LRP1B: variants seen among roughly 807,000 people sequenced by gnomAD.
LRP1B encodes the protein LDL receptor related protein 1B, also known as low-density lipoprotein receptor-related protein 1B.
A neutral mutation model predicts 556.6 loss-of-function variants in LRP1B; 217 were observed. That is an observed-to-expected ratio of 0.39 (90% CI 0.35 to 0.44). The LOEUF (loss-of-function observed/expected upper bound fraction) is 0.44, where lower values mean the gene tolerates loss of function less well. LRP1B is among the 20% of genes least tolerant of loss of function. The probability of loss-of-function intolerance (pLI) is 1.00; values close to 1 mark genes in which losing one functional copy is unlikely to be tolerated. For missense variants in LRP1B, 5,053 were observed against 5,620.8 expected (o/e 0.90, Z 3.23); for synonymous variants, 2,047 against 1,865.8 (o/e 1.10, Z -2.50).
intron 2 of LRP1B, among the ~76,000 whole-genome samples, chr2:141,710,112 C>A (rs1692304587): frequency 1.3e-5 from 2 of 152,156 alleles, no homozygotes; most frequent in South Asian, 4.1e-4. Flanking sequence ...TAAGCTTCAA[C>A]ATATGAATTT....
intron 2 of LRP1B, among the ~76,000 whole-genome samples, chr2:141,650,780 T>C (rs1574195229): frequency 1.3e-5 from 2 of 150,638 alleles, no homozygotes. Context: ...AACCAGGCTA[T>C]AGAATATAAC....
chr2:140,292,008 G>C (rs1204688471), intron 84 of LRP1B, among the ~76,000 whole-genome samples: 1 of 152,106 alleles, frequency 6.6e-6, no homozygotes, highest in Admixed American at 6.5e-5. Flanking sequence ...CCTTCTAAGT[G>C]GTGTGAGATG....
intron 3 of LRP1B, among the ~76,000 whole-genome samples, chr2:141,278,992 A>T (rs1189383114): frequency 6.6e-6 from 1 of 152,092 alleles, no homozygotes; most frequent in Non-Finnish European, 1.5e-5. Flanking sequence ...ATACCTATTT[A>T]CCTATGCAAA....
intron 2 of LRP1B, among the ~76,000 whole-genome samples, chr2:141,502,589 A>C (rs925258019): frequency 4.6e-5 from 7 of 152,142 alleles, no homozygotes; most frequent in Admixed American, 1.3e-4. Flanking sequence ...GGCTGGGCGC[A>C]GTGGCTCATG....
intron 41 of LRP1B, among the ~76,000 whole-genome samples, chr2:140,644,369 A>C (rs1684403989): frequency 6.6e-6 from 1 of 151,848 alleles, no homozygotes; most frequent in African/African-American, 2.4e-5. Context: ...TAGGACACAT[A>C]ATAGCATCAA....
rs1443685868 is a variant in LRP1B, at chr2:141,909,524, ACAT to A, written c.83-99126_83-99124del. ...TAATTTAATCAGACTAAGGTCTCAG[ACAT>A]TTTTTTTTTTTTTTTTTTTTTTTTT... is the stretch of plus-strand genomic sequence containing the variant. On this transcript the variant is annotated intron_variant, in intron 1 of 90. Transcript: ENST00000389484. 2.4e-4 allele frequency among the ~76,000 whole-genome samples: 25 copies of A among 104,516 alleles called. 1 individual carries two copies. Among genetic ancestry groups the A allele is most frequent in the African/African-American group, 3.5e-4 (10 of 28,854 alleles). The allele number at this position is 104,516 out of a possible 152,430, so 68.6% of individuals were successfully genotyped here.
Position 141,663,712 on chromosome 2 carries a change from GA to G in LRP1B, c.205+146566del, listed in dbSNP as rs746324921. Reference sequence around the variant, plus strand: ...CAGTAAGAAATAGCCTACTAAACAAGAAAAGCCCAGGACTAGATACATTTTC... The same window carrying G: ...CAGTAAGAAATAGCCTACTAAACAAGAAAGCCCAGGACTAGATACATTTTC... On this transcript the variant is annotated intron_variant, in intron 2 of 90. Transcript: ENST00000389484. Among the ~76,000 whole-genome samples the G allele has an allele frequency of 2.0e-5, 3 of 151,822 alleles. No individual in the cohort carries two copies. In the South Asian group the frequency reaches 6.2e-4, roughly 31 times the overall value.
At chr2:141,848,526 G>A (rs934211943) in intron 1 of LRP1B, among the ~76,000 whole-genome samples, 7 of 151,524 alleles carry the variant, frequency 4.6e-5, no homozygotes, top group Non-Finnish European at 1.0e-4. Context: ...ATAATGGAAT[G>A]TTATCCAGGA....
chr2:141,170,209 G>A (rs1250562702), intron 7 of LRP1B, among the ~76,000 whole-genome samples: 3 of 152,128 alleles, frequency 2.0e-5, no homozygotes, highest in African/African-American at 7.2e-5. Context: ...GAAGCATTTT[G>A]TATTGTGCGA....
At chr2:141,397,113 CAAAAA>C (rs5834824) in intron 3 of LRP1B, among the ~76,000 whole-genome samples, 647 of 41,976 alleles carry the variant, frequency 0.015, 29 homozygotes, top group African/African-American at 0.076. Flanking sequence ...AACTTTGTCT[CAAAAA>C]AAAAAAAAAA....
chr2:141,846,633 C>A (rs982892636), intron 1 of LRP1B, among the ~76,000 whole-genome samples: 1 of 151,190 alleles, frequency 6.6e-6, no homozygotes, highest in East Asian at 1.9e-4. Context: ...AATCCAATAG[C>A]GTTTTAAAAC....
intron 2 of LRP1B, among the ~76,000 whole-genome samples, chr2:141,739,470 T>G (rs954903301): frequency 1.3e-5 from 2 of 152,012 alleles, no homozygotes; most frequent in African/African-American, 4.8e-5. Flanking sequence ...AAAAAGACAG[T>G]GTCGTGCAGG....
intron 53 of LRP1B, among the ~76,000 whole-genome samples, chr2:140,504,010 A>G (rs1689303556): frequency 6.6e-6 from 1 of 152,080 alleles, no homozygotes; most frequent in South Asian, 2.1e-4. Context: ...CTCCTCCTTC[A>G]TTAGTTCCTT....
intron 11 of LRP1B, among the ~76,000 whole-genome samples, chr2:141,024,761 G>A (rs1698170548): frequency 6.6e-6 from 1 of 152,012 alleles, no homozygotes; most frequent in Admixed American, 6.6e-5. Flanking sequence ...CAACAAGCAG[G>A]ATGGTCATCA....
chr2:140,509,456 A>G lies in LRP1B; in HGVS notation c.8398+472T>C, dbSNP rs148139242. Among the ~76,000 whole-genome samples the G allele has an allele frequency of 8.6e-3, 1,304 of 152,216 alleles. 16 individuals carry two copies. The highest frequency in any genetic ancestry group is 0.028 in the African/African-American group (1,153 of 41,534). The stretch of plus-strand genomic sequence containing the variant: ...TCGGCTATATCCATACTATTTTTAC[A>G]TGACCCAAGGGTTAATACCCTATCC... On this transcript the variant is annotated intron_variant, in intron 52 of 90. Transcript: ENST00000389484.
At chr2:141,590,183 A>G (rs1415232133) in intron 2 of LRP1B, among the ~76,000 whole-genome samples, 1 of 152,172 alleles carries the variant, frequency 6.6e-6, no homozygotes, top group African/African-American at 2.4e-5. Context: ...ATTATTGGTG[A>G]TGGTCTCATT....
rs375123301 is a variant in LRP1B, at chr2:141,119,615, A to T, written c.1014-57342T>A. ...TACTTTAGTGACAAAGGAAAAGCACATTGTCCTGAAGAAATCCAAAGCACT... is the reference window on the plus strand; with the variant it reads ...TACTTTAGTGACAAAGGAAAAGCACTTTGTCCTGAAGAAATCCAAAGCACT... On this transcript the variant is annotated intron_variant, in intron 7 of 90. Coordinates refer to ENST00000389484, the MANE Select transcript of LRP1B (RefSeq NM_018557.3). 5.3e-5 allele frequency among the ~76,000 whole-genome samples: 8 copies of T among 151,868 alleles called. No individual in the cohort carries two copies. In the East Asian group the frequency reaches 7.7e-4, roughly 15 times the overall value.
At chr2:141,639,379 C>CAT (rs1310773523) in intron 2 of LRP1B, among the ~76,000 whole-genome samples, 6,708 of 73,232 alleles carry the variant, frequency 0.092, 474 homozygotes, top group Non-Finnish European at 0.13. Context: ...TATATATACA[C>CAT]ATATATATAT....
At chr2:141,807,269 C>CT (rs5834870) in intron 2 of LRP1B, among the ~76,000 whole-genome samples, 3 of 151,332 alleles carry the variant, frequency 2.0e-5, no homozygotes, top group East Asian at 1.9e-4. Flanking sequence ...TTTCATAACG[C>CT]TTTTTTTTTC....
Sources: gnomAD v4.1 joint callset for allele counts (sites outside exome capture counted in the v4.1 genomes callset) on GRCh38, gnomAD v4.1.1 for gene constraint, MANE v1.5 for transcripts, NCBI Gene and HGNC (gene_info 2026-07-23, HGNC 2026-07-21) for gene names.